Variants in ATMIN observed in about 807,000 individuals in gnomAD.
ATMIN encodes ATM INteracting protein.
In ATMIN, 24 loss-of-function variants were observed where a neutral mutation model predicts 49.2. That is an observed-to-expected ratio of 0.49 (90% CI 0.35 to 0.69). ATMIN has a LOEUF of 0.69. Among genes scored for constraint, ATMIN ranks in the 30% least tolerant of loss-of-function variants. ATMIN has a pLI of 0.00. For synonymous variants in ATMIN, 450 were observed against 392.5 expected, an observed-to-expected ratio of 1.15 and a Z score of -1.73; for missense variants, 1,037 against 1,005.5, an observed-to-expected ratio of 1.03 and a Z score of -0.42.
At chr16:81,039,011 G>T (rs1484863861) in intron 1 of ATMIN, among the ~76,000 whole-genome samples, 2 of 152,106 alleles carry the variant, frequency 1.3e-5, no homozygotes, top group African/African-American at 2.4e-5. Flanking sequence ...GGTCGGGCTG[G>T]TCTTGAACTC....
intron 1 of ATMIN, among the ~76,000 whole-genome samples, chr16:81,039,041 C>G (rs998536358): frequency 1.3e-5 from 2 of 152,190 alleles, no homozygotes; most frequent in African/African-American, 4.8e-5. Flanking sequence ...AGTGATCCGC[C>G]CGCTTCAGCC....
chr16:81,041,272 C>A, intron 1 of ATMIN, 84 bp from the exon 2 acceptor site: 1 of 1,415,424 alleles, frequency 7.1e-7, no homozygotes, highest in Admixed American at 2.3e-5. Flanking sequence ...ACAAAATGTG[C>A]TCGTTTTCAG....
chr16:81,038,561 G>A (rs975243054), intron 1 of ATMIN, among the ~76,000 whole-genome samples: 1 of 152,178 alleles, frequency 6.6e-6, no homozygotes, highest in African/African-American at 2.4e-5. Flanking sequence ...AGCAGCTCCT[G>A]TCTTGGTGTC....
At position 81,043,149 on chromosome 16, in the gene ATMIN, C is replaced by A; in HGVS notation, c.663-12C>A. The A allele has an allele frequency of 6.3e-7, 1 of 1,583,420 alleles. No homozygotes were observed. The highest frequency in any genetic ancestry group is 1.2e-5 in the South Asian group (1 of 85,162). On this transcript the variant is annotated splice_polypyrimidine_tract_variant and intron_variant, in intron 3 of 3. Coordinates refer to ENST00000299575, the MANE Select transcript of ATMIN (RefSeq NM_015251.3). Reference sequence around the variant, plus strand: ...TTTTAAGGTTTTCTTTTTGCTCTGTCATTGTTTTCAGGGACCCACCTAGTA... The same window carrying A: ...TTTTAAGGTTTTCTTTTTGCTCTGTAATTGTTTTCAGGGACCCACCTAGTA...
rs1971118521 is a variant in ATMIN, at chr16:81,046,290, G to C, written c.*1320G>C. The C allele has an allele frequency of 6.6e-6, 1 of 152,130 alleles. No homozygotes were observed. The highest frequency in any genetic ancestry group is 2.4e-5 in the African/African-American group (1 of 41,418). The allele number at this position is 152,130 out of a possible 1,614,324, so 9.4% of individuals were successfully genotyped here. On this transcript the variant is annotated 3_prime_UTR_variant, in exon 4 of 4. Coordinates refer to ENST00000299575, the MANE Select transcript of ATMIN (RefSeq NM_015251.3). Reference sequence around the variant, plus strand: ...CACTTCTACTAAGCTTGATAGGGCAGGAGTGCAATCTACAATTATTTTAAA... The same window carrying C: ...CACTTCTACTAAGCTTGATAGGGCACGAGTGCAATCTACAATTATTTTAAA...
chr16:81,036,248 C>T, intron 1 of ATMIN, 42 bp downstream of exon 1: 1 of 1,255,348 alleles, frequency 8.0e-7, no homozygotes, highest in South Asian at 2.2e-5. Context: ...CCGGGCCTGG[C>T]TCCAACAAAG....
intron 3 of ATMIN, 105 bp from the exon 4 acceptor site, chr16:81,043,056 C>A: frequency 7.3e-7 from 1 of 1,362,400 alleles, no homozygotes; most frequent in Non-Finnish European, 9.9e-7. Context: ...TGAACATGAC[C>A]TCTGCTATAG....
In ATMIN at chr16:81,043,561, C is replaced by G; in HGVS notation, c.1063C>G (p.Leu355Val). 1 of 1,614,104 alleles carries G rather than the reference C, an allele frequency of 6.2e-7. No homozygotes were observed. The highest frequency in any genetic ancestry group is 8.5e-7 in the Non-Finnish European group (1 of 1,180,028). ...GTCAGTAGGAACCCTGATCCTCGGC[C>G]TAGATTCAGAGGCTTGCTCTCTTAA... ...PLSVGTLILGLDSEACSLKES... is the reference protein window; with the variant it reads ...PLSVGTLILGVDSEACSLKES... The change falls in exon 4 of 4, where the codon CTA becomes GTA. Residue 355 changes from leucine to valine, a missense_variant. By Grantham distance (32) the Leu-to-Val change is conservative. Coordinates refer to ENST00000299575, the MANE Select transcript of ATMIN (RefSeq NM_015251.3).
rs1378437703 is a variant in ATMIN at position 81,043,845 on chromosome 16, T to C, written c.1347T>C (p.Ser449=). Residue 449 remains serine, a synonymous_variant, in exon 4 of 4, where the codon TCT becomes TCC. Coordinates refer to ENST00000299575, the MANE Select transcript of ATMIN (RefSeq NM_015251.3). ...SCSQTDLSFD[S]QVSLPISVHT... ...CTCAAACTGATTTGTCGTTTGATTC[T>C]CAAGTGTCTCTTCCCATTAGTGTTC... 1 of 1,614,212 alleles carries C rather than the reference T, an allele frequency of 6.2e-7. No individual in the cohort carries two copies. The highest frequency in any genetic ancestry group is 8.5e-7 in the Non-Finnish European group (1 of 1,180,026).
At chr16:81,040,741 G>A (rs976888439) in intron 1 of ATMIN, 6 of 153,908 alleles carry the variant, frequency 3.9e-5, no homozygotes, top group Non-Finnish European at 7.2e-5. Context: ...GGGTGCTGCT[G>A]AAAACGTTTG....
At position 81,036,903 on chromosome 16, in the gene ATMIN, C is replaced by T. The variant is rs148396689; in HGVS notation, c.336+697C>T. 3.9e-3 allele frequency among the ~76,000 whole-genome samples: 601 copies of T among 152,310 alleles called. 5 individuals are homozygous for T. The highest frequency in any genetic ancestry group is 0.014 in the African/African-American group (578 of 41,560). On this transcript the variant is annotated intron_variant, in intron 1 of 3. Coordinates refer to ENST00000299575, the MANE Select transcript of ATMIN (RefSeq NM_015251.3). ...TGTTTTAAAGGAGCGGTAGGTTTGC[C>T]TCTAAACACCATCAGTCAGTTTCAC...
Position 81,041,684 on chromosome 16 carries a change from C to G in ATMIN, c.462+203C>G, listed in dbSNP as rs2602454. On this transcript the variant is annotated intron_variant, in intron 2 of 3. Coordinates refer to ENST00000299575, the MANE Select transcript of ATMIN (RefSeq NM_015251.3). ...CGGTCTGGAGGGAATATGTCTAGAA[C>G]TGAGTTAAAATACAGAGAGAGAGAG... is the stretch of plus-strand genomic sequence containing the variant. The G allele has an allele frequency of 0.99, 551,490 of 556,426 alleles. 273,462 individuals are homozygous for G. Among genetic ancestry groups the G allele is most frequent in the East Asian group, 1 (31,376 of 31,376 alleles). 34.5% of individuals were successfully genotyped at this position (556,426 alleles called of 1,614,324 possible).
Position 81,041,407 on chromosome 16 carries a change from T to G in ATMIN, c.388T>G (p.Phe130Val), listed in dbSNP as rs369437600. The change falls in exon 2 of 4, where the codon TTC becomes GTC. Residue 130 changes from phenylalanine to valine, a missense_variant. Coordinates refer to ENST00000299575, the MANE Select transcript of ATMIN (RefSeq NM_015251.3). ...AAAAGATTTGAAAACTGGACCGAAATTCTACTGCTGTCCAATTGAAGGCTG... is the reference window on the plus strand; with the variant it reads ...AAAAGATTTGAAAACTGGACCGAAAGTCTACTGCTGTCCAATTGAAGGCTG... Reference protein sequence around the residue: ...IRKDLKTGPKFYCCPIEGCPR... With the variant: ...IRKDLKTGPKVYCCPIEGCPR... 8.0e-5 allele frequency: 129 copies of G among 1,613,866 alleles called. No homozygotes were observed. Among genetic ancestry groups the G allele is most frequent in the Non-Finnish European group, 1.0e-4 (122 of 1,180,010 alleles).
chr16:81,037,062 T>A (rs1970950156), intron 1 of ATMIN: 1 of 507,138 alleles, frequency 2.0e-6, no homozygotes, highest in Non-Finnish European at 2.5e-6. Context: ...AACAGGGCAG[T>A]CATTTTCAAC....
chr16:81,042,491 A>G lies in ATMIN; in HGVS notation c.662+11A>G, dbSNP rs1971051893. The stretch of plus-strand genomic sequence containing the variant: ...ACCTGCAGAACACAGGTGAAGGGAA[A>G]GAAATGATGGCACAGAAGTCAGTAG... On this transcript the variant is annotated intron_variant, in intron 3 of 3. Coordinates refer to ENST00000299575, the MANE Select transcript of ATMIN (RefSeq NM_015251.3). The G allele has an allele frequency of 6.2e-7, 1 of 1,612,996 alleles. No homozygotes were observed. The highest frequency in any genetic ancestry group is 8.5e-7 in the Non-Finnish European group (1 of 1,179,136).
chr16:81,039,603 T>G (rs1334669577), intron 1 of ATMIN, among the ~76,000 whole-genome samples: 1 of 152,210 alleles, frequency 6.6e-6, no homozygotes, highest in Non-Finnish European at 1.5e-5. Context: ...ATGGTGGGAT[T>G]CATGGAGAAA....
At chr16:81,038,644 C>T (rs574556717) in intron 1 of ATMIN, among the ~76,000 whole-genome samples, 34 of 152,166 alleles carry the variant, frequency 2.2e-4, no homozygotes, top group African/African-American at 8.2e-4. Context: ...AGATCTGTAC[C>T]TTGTCTGGTT....
intron 2 of ATMIN, 26 bp downstream of exon 2, chr16:81,041,507 A>G (rs1051341359): frequency 6.3e-7 from 1 of 1,585,192 alleles, no homozygotes; most frequent in East Asian, 2.2e-5. Flanking sequence ...AGGATGAGAT[A>G]CAGATGCTAA....
chr16:81,042,725 C>G (rs1196394856), intron 3 of ATMIN, among the ~76,000 whole-genome samples: 1 of 152,116 alleles, frequency 6.6e-6, no homozygotes, highest in African/African-American at 2.4e-5. Context: ...CTTGTTATTT[C>G]CATTTGAAAA....
Sources: allele counts gnomAD v4.1 joint callset (sites outside exome capture counted in the v4.1 genomes callset), GRCh38; gene constraint gnomAD v4.1.1; transcripts MANE v1.5; gene names NCBI Gene and HGNC (gene_info 2026-07-23, HGNC 2026-07-21).